The following SNX29 variants were observed in gnomAD, a reference collection of about 807,000 sequenced individuals.
SNX29 encodes sorting nexin 29, also known as sorting nexin-29.
In SNX29, 78 loss-of-function variants were observed where a neutral mutation model predicts 102.1. The observed-to-expected ratio is 0.76, with a 90% CI of 0.64 to 0.92. The LOEUF (loss-of-function observed/expected upper bound fraction) is 0.92. Among genes scored for constraint, SNX29 ranks in the 40% least tolerant of loss-of-function variants. SNX29 has a pLI of 0.00. For synonymous variants in SNX29, 580 were observed against 414.5 expected (o/e 1.40, Z -4.85); for missense variants, 1,280 against 1,061.7 (o/e 1.21, Z -2.86).
At chr16:12,364,416 C>CTTCTTTTTTTTTTTTTTTT (rs1555520124) in intron 16 of SNX29, among the ~76,000 whole-genome samples, 5 of 98,786 alleles carry the variant, frequency 5.1e-5, no homozygotes, top group African/African-American at 1.7e-4. Context: ...CTCTCTTCTT[C>CTTCTTTTTTTTTTTTTTTT]TTTTTTTTTT....
chr16:12,333,047 C>A (rs1366111060), intron 15 of SNX29, among the ~76,000 whole-genome samples: 3 of 151,472 alleles, frequency 2.0e-5, no homozygotes, highest in African/African-American at 7.3e-5. Flanking sequence ...TATTTAGCAT[C>A]CTGGATATTT....
At chr16:12,559,307 C>T (rs1044066514) in intron 20 of SNX29, among the ~76,000 whole-genome samples, 1 of 151,966 alleles carries the variant, frequency 6.6e-6, no homozygotes, top group Non-Finnish European at 1.5e-5. Context: ...CATGCAAACC[C>T]TATTGTGAAC....
intron 15 of SNX29, among the ~76,000 whole-genome samples, chr16:12,313,273 C>G (rs748044106): frequency 6.6e-6 from 1 of 152,140 alleles, no homozygotes; most frequent in Non-Finnish European, 1.5e-5. Context: ...CTCGGCCTCC[C>G]GAAGTGCTGG....
At chr16:12,129,071 A>T (rs960705733) in intron 12 of SNX29, among the ~76,000 whole-genome samples, 2 of 152,296 alleles carry the variant, frequency 1.3e-5, no homozygotes, top group East Asian at 3.9e-4. Context: ...GTGATATAAG[A>T]TATTTTTTAT....
At chr16:12,456,640 A>C (rs1336687302) in intron 18 of SNX29, among the ~76,000 whole-genome samples, 3 of 151,924 alleles carry the variant, frequency 2.0e-5, no homozygotes, top group African/African-American at 7.3e-5. Flanking sequence ...GGGTGTGTGC[A>C]TGTGTGCCTG....
intron 16 of SNX29, among the ~76,000 whole-genome samples, chr16:12,358,839 A>G (rs574009502): frequency 3.0e-4 from 45 of 152,368 alleles, no homozygotes; most frequent in African/African-American, 9.9e-4. Flanking sequence ...GGGAGCTTCC[A>G]GGTAGCTGAA....
chr16:12,459,410 C>T (rs2086681313), intron 18 of SNX29, among the ~76,000 whole-genome samples: 1 of 152,070 alleles, frequency 6.6e-6, no homozygotes, highest in Non-Finnish European at 1.5e-5. Context: ...TGATCTCATG[C>T]CTACTCTAGG....
Position 12,483,114 on chromosome 16 carries a change from GTTTTTTTTTT to G in SNX29, c.2178+5275_2178+5284del, listed in dbSNP as rs574090459. Among the ~76,000 whole-genome samples the G allele has an allele frequency of 1.3e-3, 89 of 66,216 alleles. 1 individual carries two copies. The highest frequency in any genetic ancestry group is 8.8e-3 in the East Asian group (21 of 2,380). The allele number at this position is 66,216 out of a possible 152,430, so 43.4% of individuals were successfully genotyped here. A position where few individuals can be genotyped will look rare whatever the true frequency, so the allele number is the denominator to read the frequency against. On this transcript the variant is annotated intron_variant, in intron 19 of 20. Coordinates refer to ENST00000566228, the MANE Select transcript of SNX29 (RefSeq NM_032167.5). ...AATAGATACATATTGAAGTTATTAAGTTTTTTTTTTTTTTTTTTTTTTTTTTTTTGGAGAC... is the reference window on the plus strand; with the variant it reads ...AATAGATACATATTGAAGTTATTAAGTTTTTTTTTTTTTTTTTTTGGAGAC...
In SNX29 at chr16:12,550,459, C is replaced by T. The variant is rs776790515; in HGVS notation, c.2319-18047C>T. 3.5e-4 allele frequency among the ~76,000 whole-genome samples: 53 copies of T among 149,532 alleles called. 1 individual carries two copies. Among genetic ancestry groups the T allele is most frequent in the African/African-American group, 9.8e-4 (40 of 40,640 alleles). ...CTGAGGCAGGAGAATCACTTAAACC[C>T]GGGAGGTGGAGGTTGGAGTGAGCTG... On this transcript the variant is annotated intron_variant, in intron 20 of 20. Transcript: ENST00000566228.
intron 16 of SNX29, among the ~76,000 whole-genome samples, chr16:12,380,821 A>C (rs1185334680): frequency 9.8e-5 from 4 of 40,956 alleles, no homozygotes; most frequent in African/African-American, 2.9e-4. Flanking sequence ...TCCACCCGCC[A>C]TCCATCCACC....
chr16:12,266,087 T>A (rs1209399825), intron 14 of SNX29, among the ~76,000 whole-genome samples: 1 of 152,104 alleles, frequency 6.6e-6, no homozygotes, highest in Non-Finnish European at 1.5e-5. Flanking sequence ...ATTGTGTTTT[T>A]CTTTTTTCTT....
At chr16:12,278,181 C>T in intron 15 of SNX29, 145 bp downstream of exon 15, 1 of 655,416 alleles carries the variant, frequency 1.5e-6, no homozygotes, top group Non-Finnish European at 2.7e-6. Context: ...AAGACCAAAT[C>T]AGTGTGCTTT....
At chr16:12,566,010 C>A (rs1598106545) in intron 20 of SNX29, among the ~76,000 whole-genome samples, 2 of 152,190 alleles carry the variant, frequency 1.3e-5, no homozygotes, top group Non-Finnish European at 2.9e-5. Context: ...TCATGCCCAG[C>A]CCAGCATGGT....
intron 15 of SNX29, among the ~76,000 whole-genome samples, chr16:12,355,746 A>C (rs1166574452): frequency 6.7e-6 from 1 of 149,932 alleles, no homozygotes; most frequent in Admixed American, 6.7e-5. Context: ...AATGGGTTGC[A>C]TGTGGGCAGA....
chr16:12,061,421 T>A, intron 8 of SNX29, 107 bp from the exon 9 acceptor site: 5 of 849,498 alleles, frequency 5.9e-6, no homozygotes, highest in Non-Finnish European at 9.3e-6. Flanking sequence ...TTCTCAGCCC[T>A]GCCTTGGCCT....
At chr16:12,509,081 T>C (rs1228035745) in intron 19 of SNX29, among the ~76,000 whole-genome samples, 2 of 152,230 alleles carry the variant, frequency 1.3e-5, no homozygotes, top group African/African-American at 4.8e-5. Flanking sequence ...CATTTCAGCC[T>C]GTGGCCTCTG....
intron 13 of SNX29, among the ~76,000 whole-genome samples, chr16:12,162,752 G>C (rs530821043): frequency 8.5e-5 from 13 of 152,338 alleles, no homozygotes; most frequent in Admixed American, 8.5e-4. Context: ...CTGGCTCGTA[G>C]GAGGTGCGTA....
intron 19 of SNX29, among the ~76,000 whole-genome samples, chr16:12,485,956 C>T (rs2088208817): frequency 6.6e-6 from 1 of 152,190 alleles, no homozygotes; most frequent in Non-Finnish European, 1.5e-5. Context: ...TTCTGTACAT[C>T]CCGGATCAGT....
intron 14 of SNX29, among the ~76,000 whole-genome samples, chr16:12,231,280 A>T (rs1455401637): frequency 6.6e-6 from 1 of 152,238 alleles, no homozygotes; most frequent in African/African-American, 2.4e-5. Context: ...CATCCAGCTC[A>T]CTAGGGAAAA....
Sources: allele counts gnomAD v4.1 joint callset (sites outside exome capture counted in the v4.1 genomes callset), GRCh38; gene constraint gnomAD v4.1.1; transcripts MANE v1.5; gene names NCBI Gene and HGNC (gene_info 2026-07-23, HGNC 2026-07-21).